SYT16: variants seen among roughly 807,000 people sequenced by gnomAD.
The protein encoded by SYT16 is synaptotagmin-16.
In SYT16, 42 loss-of-function variants were observed where a neutral mutation model predicts 61.4. The observed-to-expected ratio is 0.68, with a 90% CI of 0.53 to 0.89. The LOEUF is 0.89. SYT16 is among the 40% of genes least tolerant of loss of function. The pLI, the probability that SYT16 is intolerant of heterozygous loss-of-function variation, is 0.00. For synonymous variants in SYT16, 314 were observed against 302.3 expected (o/e 1.04, Z -0.40); for missense variants, 804 against 807.3 (o/e 1.00, Z 0.05).
At chr14:62,056,433 T>G (rs2055557914) in intron 3 of SYT16, among the ~76,000 whole-genome samples, 1 of 152,170 alleles carries the variant, frequency 6.6e-6, no homozygotes, top group Non-Finnish European at 1.5e-5. Flanking sequence ...CATTGTTGGT[T>G]ATAAAAGACA....
chr14:62,039,874 CACACGCACAT>C (rs1281867875), intron 3 of SYT16, among the ~76,000 whole-genome samples: 9 of 97,230 alleles, frequency 9.3e-5, no homozygotes, highest in African/African-American at 3.0e-4. Flanking sequence ...CACACACACA[CACACGCACAT>C]ACACACTAGA....
intron 3 of SYT16, among the ~76,000 whole-genome samples, chr14:62,057,238 C>T (rs1433727722): frequency 2.0e-5 from 3 of 152,204 alleles, no homozygotes; most frequent in Admixed American, 6.5e-5. Flanking sequence ...CAATACTTTG[C>T]ATCCTTCAGT....
At chr14:61,935,269 C>T (rs566137340) in intron 1 of SYT16, among the ~76,000 whole-genome samples, 22 of 152,296 alleles carry the variant, frequency 1.4e-4, no homozygotes, top group African/African-American at 4.8e-4. Flanking sequence ...AGCTGATTCA[C>T]GCCGACAGTG....
chr14:61,893,089 C>T (rs1484122814), intron 1 of SYT16, among the ~76,000 whole-genome samples: 1 of 152,048 alleles, frequency 6.6e-6, no homozygotes, highest in East Asian at 1.9e-4. Context: ...GTAGAGAATT[C>T]CTGCACACTT....
Position 62,059,580 on chromosome 14 carries a change from A to G in SYT16, c.524-10023A>G, listed in dbSNP as rs560412881. On this transcript the variant is annotated intron_variant, in intron 3 of 7. Coordinates refer to ENST00000683842, the MANE Select transcript of SYT16 (RefSeq NM_001367656.1). ...TGCTTTTGTATATCCTAAGGTCACA[A>G]AAGATTGCTCTGAAGTTTTTCCTTG... 7.3e-5 allele frequency among the ~76,000 whole-genome samples: 11 copies of G among 151,536 alleles called. No homozygotes were observed. In the South Asian group the frequency reaches 1.9e-3, roughly 26 times the overall value.
chr14:61,900,487 A>G (rs1304696240), intron 1 of SYT16, among the ~76,000 whole-genome samples: 1 of 152,176 alleles, frequency 6.6e-6, no homozygotes, highest in African/African-American at 2.4e-5. Flanking sequence ...TTCTATTCTG[A>G]AAACAAATTT....
intron 5 of SYT16, among the ~76,000 whole-genome samples, chr14:62,076,823 T>A (rs967732974): frequency 2.0e-5 from 3 of 152,196 alleles, no homozygotes; most frequent in African/African-American, 7.2e-5. Flanking sequence ...GTCTCCTTGG[T>A]GATTGTGCCA....
intron 2 of SYT16, among the ~76,000 whole-genome samples, chr14:61,977,581 C>T (rs757785014): frequency 8.1e-4 from 123 of 152,108 alleles, no homozygotes; most frequent in Non-Finnish European, 4.4e-4. Flanking sequence ...AAACCACCCC[C>T]ATGTTTCAGT....
At chr14:62,073,246 G>A (rs753407761) in intron 4 of SYT16, among the ~76,000 whole-genome samples, 5 of 152,172 alleles carry the variant, frequency 3.3e-5, no homozygotes, top group East Asian at 1.9e-4. Flanking sequence ...TATTATCACC[G>A]TAGGAGTTAA....
chr14:61,941,450 G>A (rs144133116), intron 1 of SYT16, among the ~76,000 whole-genome samples: 12 of 152,206 alleles, frequency 7.9e-5, no homozygotes, highest in East Asian at 1.9e-4. Context: ...ATCTTCATTC[G>A]TAGCCCTCTC....
At chr14:61,909,044 G>C (rs1472642181) in intron 1 of SYT16, among the ~76,000 whole-genome samples, 1 of 152,010 alleles carries the variant, frequency 6.6e-6, no homozygotes, top group Non-Finnish European at 1.5e-5. Context: ...GGCTGGTCTT[G>C]AACTCCCAGT....
intron 3 of SYT16, among the ~76,000 whole-genome samples, chr14:62,062,512 G>A (rs2055869834): frequency 6.6e-6 from 1 of 152,108 alleles, no homozygotes; most frequent in African/African-American, 2.4e-5. Flanking sequence ...CTCCTTTGGG[G>A]AACCTTAGAC....
intron 3 of SYT16, among the ~76,000 whole-genome samples, chr14:62,058,426 C>T (rs1322724759): frequency 2.0e-5 from 3 of 148,504 alleles, no homozygotes; most frequent in Admixed American, 6.8e-5. Context: ...GGTGCAATCT[C>T]GGCTCACTGC....
At chr14:61,843,991 G>A (rs2140257641) in intron 1 of SYT16, among the ~76,000 whole-genome samples, 1 of 152,264 alleles carries the variant, frequency 6.6e-6, no homozygotes, top group South Asian at 2.1e-4. Context: ...ATTGCTTTGG[G>A]TAGTATGAAC....
chr14:61,879,700 C>G lies in SYT16; in HGVS notation c.-325+66890C>G, dbSNP rs144014849. On this transcript the variant is annotated intron_variant, in intron 1 of 7. Coordinates refer to ENST00000683842, the MANE Select transcript of SYT16 (RefSeq NM_001367656.1). ...CCACATTTTCATTGTCTATGATCCC[C>G]TTTCTCTCTTTTCCTTTTTTACTAG... 8.7e-3 allele frequency among the ~76,000 whole-genome samples: 1,330 copies of G among 152,276 alleles called. 11 individuals carry two copies. The highest frequency in any genetic ancestry group is 0.013 in the Non-Finnish European group (904 of 68,014).
At chr14:61,975,239 G>A (rs905335683) in intron 2 of SYT16, among the ~76,000 whole-genome samples, 12 of 151,470 alleles carry the variant, frequency 7.9e-5, no homozygotes, top group South Asian at 2.1e-4. Flanking sequence ...CAAACAGGTG[G>A]TAATATAATC....
chr14:61,886,200 G>A lies in SYT16; in HGVS notation c.-325+73390G>A, dbSNP rs762065661. Reference sequence around the variant, plus strand: ...AGGATGGTCTCGATCTCCTGACCTCGTGATCCGCCTGCCTCGGCCTTTCAA... The same window carrying A: ...AGGATGGTCTCGATCTCCTGACCTCATGATCCGCCTGCCTCGGCCTTTCAA... On this transcript the variant is annotated intron_variant, in intron 1 of 7. Transcript: ENST00000683842. 2.6e-5 allele frequency among the ~76,000 whole-genome samples: 4 copies of A among 152,086 alleles called. No individual in the cohort carries two copies. The South Asian group carries it at 6.2e-4, about 24-fold the overall frequency.
chr14:62,043,810 C>G (rs1009554207), intron 3 of SYT16, among the ~76,000 whole-genome samples: 16 of 152,132 alleles, frequency 1.1e-4, no homozygotes, highest in Middle Eastern at 3.2e-3. Context: ...AAGAGACTTT[C>G]ATAATACTTA....
intron 3 of SYT16, among the ~76,000 whole-genome samples, chr14:62,004,759 C>T (rs575047931): frequency 1.4e-3 from 208 of 152,300 alleles, no homozygotes; most frequent in African/African-American, 5.0e-3. Context: ...AGACGAGGTT[C>T]CCCTCTTGGC....
Sources: allele counts gnomAD v4.1 joint callset (sites outside exome capture counted in the v4.1 genomes callset), GRCh38; gene constraint gnomAD v4.1.1; transcripts MANE v1.5; gene names NCBI Gene and HGNC (gene_info 2026-07-23, HGNC 2026-07-21).